NDRG2: variants seen among roughly 807,000 people sequenced by gnomAD.
The protein encoded by NDRG2 is NDRG family member 2, also known as protein NDRG2.
In NDRG2, 34 loss-of-function variants were observed where a neutral mutation model predicts 58.2. The ratio of observed to expected loss-of-function variants is 0.58; its 90% CI spans 0.44 to 0.78. The LOEUF is 0.78. Among genes scored for constraint, NDRG2 ranks in the 30% least tolerant of loss-of-function variants. The pLI is 0.00. For missense variants in NDRG2, 434 were observed against 471.2 expected (o/e 0.92, Z 0.73); for synonymous variants, 187 against 175.9 (o/e 1.06, Z -0.50).
intron 1 of NDRG2, among the ~76,000 whole-genome samples, chr14:21,051,756 C>G (rs28665127): frequency 0.54 from 81,771 of 152,024 alleles, 22,603 homozygotes; most frequent in East Asian, 0.6. Context: ...GAGCCATAAA[C>G]CAGGGCCCAG....
intron 1 of NDRG2, among the ~76,000 whole-genome samples, chr14:21,051,186 G>A (rs1381153020): frequency 2.6e-5 from 4 of 152,288 alleles, no homozygotes; most frequent in Non-Finnish European, 5.9e-5. Flanking sequence ...GCTCTTTGTG[G>A]ATTTCTGTCT....
chr14:21,033,548 A>G, intron 1 of NDRG2: 1 of 500,512 alleles, frequency 2.0e-6, no homozygotes, highest in Non-Finnish European at 3.6e-6. Flanking sequence ...GACACAGTCA[A>G]CTTCTTGGGT....
chr14:21,023,037 G>T, intron 2 of NDRG2, 132 bp from the exon 3 acceptor site: 1 of 1,139,380 alleles, frequency 8.8e-7, no homozygotes, highest in African/African-American at 1.5e-5. Context: ...GATTGACAAA[G>T]AGAGACACGG....
intron 1 of NDRG2, chr14:21,033,374 G>A (rs1015899252): frequency 2.6e-5 from 7 of 271,002 alleles, no homozygotes; most frequent in Admixed American, 1.0e-4. Flanking sequence ...TGGGTGAGTG[G>A]AGGGAATTAT....
Position 21,064,651 on chromosome 14 carries a change from G to C in NDRG2, c.24+6177C>G, listed in dbSNP as rs532134014. 3.9e-5 allele frequency among the ~76,000 whole-genome samples: 6 copies of C among 152,302 alleles called. No individual in the cohort carries two copies. In the East Asian group the frequency reaches 9.6e-4, roughly 24 times the overall value. ...ATGTAGGCAAAAATTATACTTATGC[G>C]TGGAAATATATACGGACAATGCTAC... On this transcript the variant is annotated intron_variant, in intron 1 of 14. Transcript: ENST00000403829.
Position 21,054,877 on chromosome 14 carries a change from A to T in NDRG2, c.24+15951T>A, listed in dbSNP as rs1382560124. 2.0e-5 allele frequency among the ~76,000 whole-genome samples: 3 copies of T among 152,138 alleles called. No individual in the cohort carries two copies. In the East Asian group the frequency reaches 5.8e-4, roughly 29 times the overall value. ...CTTTACTTTCCACCAAGAACCTAGAACTGTACCGAGCACATTTTAGATGCT... is the reference window on the plus strand; with the variant it reads ...CTTTACTTTCCACCAAGAACCTAGATCTGTACCGAGCACATTTTAGATGCT... On this transcript the variant is annotated intron_variant, in intron 1 of 14. Transcript: ENST00000403829.
intron 12 of NDRG2, 105 bp from the exon 13 acceptor site, chr14:21,018,609 T>C (rs1878256713): frequency 6.4e-7 from 1 of 1,557,088 alleles, no homozygotes; most frequent in Non-Finnish European, 8.7e-7. Flanking sequence ...ATCAGCTCCC[T>C]ACCCAGTTCC....
intron 1 of NDRG2, among the ~76,000 whole-genome samples, chr14:21,045,438 C>G (rs1267431766): frequency 3.3e-5 from 5 of 152,200 alleles, no homozygotes; most frequent in African/African-American, 4.8e-5. Flanking sequence ...TTGAATAAAT[C>G]TGAAGTTTAT....
At chr14:21,032,587 A>G (rs1036487394) in intron 1 of NDRG2, 5 of 344,882 alleles carry the variant, frequency 1.4e-5, no homozygotes, top group Non-Finnish European at 2.3e-5. Context: ...CCTGACTTCT[A>G]TTACAAATTT....
rs978426159 is a variant in NDRG2 at position 21,017,424 on chromosome 14, GA to G, written c.*171del. On this transcript the variant is annotated 3_prime_UTR_variant, in exon 16 of 16. Transcript: ENST00000556147. ...GGACATCTCTTCCAGGAGCTGGGGG[GA>G]ATCACGGGTTAAAGGTCAAGGTTAG... is the stretch of plus-strand genomic sequence containing the variant. The G allele has an allele frequency of 2.8e-6, 2 of 726,028 alleles. No homozygotes were observed. The highest frequency in any genetic ancestry group is 3.6e-5 in the African/African-American group (2 of 56,028). 45.0% of individuals were successfully genotyped at this position (726,028 alleles called of 1,614,324 possible).
At chr14:21,061,863 C>G (rs1430281448) in intron 1 of NDRG2, among the ~76,000 whole-genome samples, 1 of 152,090 alleles carries the variant, frequency 6.6e-6, no homozygotes, top group Non-Finnish European at 1.5e-5. Context: ...ATTGAATCAT[C>G]CTATTTAGAA....
At chr14:21,032,014 T>A (rs1247581849) in intron 1 of NDRG2, 4 of 1,614,042 alleles carry the variant, frequency 2.5e-6, no homozygotes, top group Non-Finnish European at 1.7e-6. Context: ...AAGAGATGAC[T>A]GACAACACAG....
In NDRG2 at chr14:21,019,741, T is replaced by C; in HGVS notation, c.614A>G (p.Glu205Gly). 1 of 1,606,644 alleles carries C rather than the reference T, an allele frequency of 6.2e-7. No homozygotes were observed. The highest frequency in any genetic ancestry group is 8.5e-7 in the Non-Finnish European group (1 of 1,173,396). Reference sequence around the variant, plus strand: ...CAACTCAGAATTTCCAGAGAGCTCTTCCTGAAGGAGAGAACAAGGAGAAAA... The same window carrying C: ...CAACTCAGAATTTCCAGAGAGCTCTCCCTGAAGGAGAGAACAAGGAGAAAA... ...EMILGHLFSQ[E>G]ELSGNSELIQ... Residue 205 changes from glutamate to glycine, a missense_variant and splice_region_variant, in exon 10 of 16, where the codon GAA (glutamate) becomes GGA (glycine). Glu to Gly is a moderately conservative substitution (Grantham distance 98). Transcript: ENST00000556147.
intron 1 of NDRG2, among the ~76,000 whole-genome samples, chr14:21,052,196 A>G (rs1288855981): frequency 6.6e-6 from 1 of 152,238 alleles, no homozygotes; most frequent in Non-Finnish European, 1.5e-5. Flanking sequence ...ACGGTTACTG[A>G]GTGCTCCTGT....
chr14:21,021,357 G>A, intron 6 of NDRG2: 1 of 332,780 alleles, frequency 3.0e-6, no homozygotes, highest in Non-Finnish European at 5.9e-6. Context: ...AGCACCCAGG[G>A]GCCAGCACCT....
At chr14:21,032,287 T>A (rs1399653065) in intron 1 of NDRG2, 2 of 662,454 alleles carry the variant, frequency 3.0e-6, no homozygotes, top group Admixed American at 4.1e-5. Context: ...GCCTTATGCC[T>A]ACCAGCCATC....
intron 1 of NDRG2, among the ~76,000 whole-genome samples, chr14:21,052,714 G>C (rs757590088): frequency 1.3e-5 from 2 of 152,208 alleles, no homozygotes; most frequent in Non-Finnish European, 1.5e-5. Context: ...TTGCAAGCAA[G>C]AGAACCACTG....
At chr14:21,055,414 T>C (rs914621101) in intron 1 of NDRG2, among the ~76,000 whole-genome samples, 13 of 152,188 alleles carry the variant, frequency 8.5e-5, no homozygotes, top group Admixed American at 5.2e-4. Context: ...TTTCCCAGTC[T>C]CAAATGTTGT....
chr14:21,025,187 T>G, upstream of NDRG2: 1 of 873,190 alleles, frequency 1.1e-6, no homozygotes, highest in Non-Finnish European at 1.4e-6. The surrounding 1 kb of genome is among the most constrained non-coding windows in gnomAD (Gnocchi z 5.1). Flanking sequence ...ACGCCCCCCC[T>G]TTCACCCCGC....
Sources: allele counts gnomAD v4.1 joint callset (sites outside exome capture counted in the v4.1 genomes callset), GRCh38; gene constraint gnomAD v4.1.1; non-coding constraint Gnocchi (gnomAD v3.1); transcripts MANE v1.5; gene names NCBI Gene and HGNC (gene_info 2026-07-23, HGNC 2026-07-21).